AMPH: variants seen among roughly 807,000 people sequenced by gnomAD.
AMPH encodes amphiphysin.
In AMPH, 49 loss-of-function variants were observed where a neutral mutation model predicts 99.1. The observed-to-expected ratio is 0.49, with a 90% confidence interval of 0.39 to 0.63. The LOEUF (loss-of-function observed/expected upper bound fraction) is 0.63, where lower values mean the gene tolerates loss of function less well. Ranked by LOEUF, AMPH falls within the 20% of genes least tolerant of loss-of-function variation. AMPH has a pLI of 0.00. For synonymous variants in AMPH, 314 were observed against 317.3 expected (o/e 0.99, Z 0.11); for missense variants, 759 against 863.4 (o/e 0.88, Z 1.52).
intron 1 of AMPH, among the ~76,000 whole-genome samples, chr7:38,601,765 G>GCGTC (rs1208608229): frequency 2.0e-5 from 3 of 152,178 alleles, no homozygotes; most frequent in Non-Finnish European, 4.4e-5. Context: ...AGCTCTCTGA[G>GCGTC]TGTCTGTTTT....
At chr7:38,575,853 C>G (rs769660778) in intron 1 of AMPH, among the ~76,000 whole-genome samples, 2 of 152,152 alleles carry the variant, frequency 1.3e-5, no homozygotes, top group Non-Finnish European at 2.9e-5. Flanking sequence ...CATTCTATTC[C>G]TAAGGGGAAT....
Position 38,466,219 on chromosome 7 carries a change from T to A in AMPH, c.620A>T (p.Lys207Ile), listed in dbSNP as rs150251325. The change falls in exon 8 of 21, where the codon AAA (lysine) becomes ATA (isoleucine). Residue 207 changes from lysine to isoleucine, a missense_variant. Around this residue, in one of 2 missense-constraint regions of AMPH, gnomAD observed 205 missense variants for 287.9 expected, o/e 0.71. Coordinates refer to ENST00000356264, the MANE Select transcript of AMPH (RefSeq NM_001635.4). ...CTTGGCTTCAAGGCTGGAGACGTTTTTGAAAGTATTAACATAAAATCCAAC... is the reference window on the plus strand; with the variant it reads ...CTTGGCTTCAAGGCTGGAGACGTTTATGAAAGTATTAACATAAAATCCAAC... ...RRVGFYVNTF[K>I]NVSSLEAKFH... The A allele has an allele frequency of 9.2e-5, 147 of 1,595,610 alleles. 1 individual carries two copies. The highest frequency in any genetic ancestry group is 8.3e-4 in the Middle Eastern group (5 of 6,014).
At chr7:38,584,516 G>A (rs149695307) in intron 1 of AMPH, among the ~76,000 whole-genome samples, 24 of 152,288 alleles carry the variant, frequency 1.6e-4, no homozygotes, top group African/African-American at 4.3e-4. Flanking sequence ...TGACAATGCC[G>A]TCCATGAGGG....
At chr7:38,482,996 G>A (rs10085389) in intron 5 of AMPH, among the ~76,000 whole-genome samples, 38,562 of 151,934 alleles carry the variant, frequency 0.25, 5,144 homozygotes, top group Middle Eastern at 0.28. Context: ...CTTGGCAAGT[G>A]CAAATCCAGC....
At chr7:38,598,627 T>C (rs1226195665) in intron 1 of AMPH, among the ~76,000 whole-genome samples, 2 of 152,294 alleles carry the variant, frequency 1.3e-5, no homozygotes, top group East Asian at 3.9e-4. Flanking sequence ...CTACTTCCTT[T>C]CACCAAAATT....
chr7:38,410,952 A>G (rs1479148762), intron 17 of AMPH, among the ~76,000 whole-genome samples: 4 of 152,128 alleles, frequency 2.6e-5, no homozygotes, highest in African/African-American at 9.7e-5. Flanking sequence ...GTCCACTTGG[A>G]CCCTAAGTTG....
At chr7:38,407,793 C>T (rs144792106) in intron 17 of AMPH, among the ~76,000 whole-genome samples, 4 of 152,244 alleles carry the variant, frequency 2.6e-5, no homozygotes, top group African/African-American at 9.6e-5. Context: ...CTGGCATTTG[C>T]TCTTACAGAG....
intron 11 of AMPH, among the ~76,000 whole-genome samples, chr7:38,459,221 A>G (rs999209963): frequency 6.6e-6 from 1 of 152,004 alleles, no homozygotes; most frequent in Non-Finnish European, 1.5e-5. Context: ...ATGAAAGAAA[A>G]TTAAAAGGAC....
At chr7:38,589,796 C>A (rs1375077024) in intron 1 of AMPH, among the ~76,000 whole-genome samples, 1 of 152,134 alleles carries the variant, frequency 6.6e-6, no homozygotes, top group African/African-American at 2.4e-5. Flanking sequence ...TTAATCAATG[C>A]CAGTTTTATA....
intron 1 of AMPH, among the ~76,000 whole-genome samples, chr7:38,585,276 G>A (rs889803223): frequency 6.6e-6 from 1 of 152,170 alleles, no homozygotes; most frequent in Non-Finnish European, 1.5e-5. Context: ...CCAGACTCAG[G>A]TCTGACTCGA....
intron 1 of AMPH, 116 bp downstream of exon 1, chr7:38,631,167 C>T: frequency 1.1e-6 from 1 of 949,760 alleles, no homozygotes; most frequent in Non-Finnish European, 1.3e-6. Context: ...GGCCCCGGCC[C>T]CGCTCCGCAG....
chr7:38,461,495 G>A (rs980225980), intron 10 of AMPH, 84 bp from the exon 11 acceptor site: 5 of 1,517,620 alleles, frequency 3.3e-6, no homozygotes, highest in Non-Finnish European at 3.6e-6. Flanking sequence ...AGAGCTACAT[G>A]GACAGATTGA....
chr7:38,499,919 T>C (rs1789072959), intron 3 of AMPH, among the ~76,000 whole-genome samples: 1 of 152,228 alleles, frequency 6.6e-6, no homozygotes, highest in Non-Finnish European at 1.5e-5. Flanking sequence ...CCTTGCCTGC[T>C]GCCACGCAAG....
At chr7:38,439,176 A>G (rs1047023146) in intron 11 of AMPH, among the ~76,000 whole-genome samples, 5 of 152,174 alleles carry the variant, frequency 3.3e-5, no homozygotes, top group African/African-American at 1.2e-4. Flanking sequence ...AAGTTTCCAG[A>G]GGCCTCCCTA....
At position 38,571,010 on chromosome 7, in the gene AMPH, A is replaced by AAT. The variant is rs1375141321; in HGVS notation, c.70-36001_70-36000dup. Among the ~76,000 whole-genome samples, 3 of 69,688 alleles carry AAT rather than the reference A, an allele frequency of 4.3e-5. 1 individual carries two copies. Among genetic ancestry groups the AAT allele is most frequent in the African/African-American group, 2.0e-4 (3 of 15,184 alleles). The allele number at this position is 69,688 out of a possible 152,430, so 45.7% of individuals were successfully genotyped here. A position where few individuals can be genotyped will look rare whatever the true frequency, so the allele number is the denominator to read the frequency against. On this transcript the variant is annotated intron_variant, in intron 1 of 20. Coordinates refer to ENST00000356264, the MANE Select transcript of AMPH (RefSeq NM_001635.4). ...AATATATATATATTCATATATATAG[A>AAT]ATATATATATTCATATATTGAATAT...
chr7:38,470,161 C>T (rs1453926558), intron 7 of AMPH, among the ~76,000 whole-genome samples: 1 of 152,192 alleles, frequency 6.6e-6, no homozygotes, highest in Non-Finnish European at 1.5e-5. Flanking sequence ...ATCTTCAGTC[C>T]TAAATTATTC....
At chr7:38,456,076 T>C (rs1388018906) in intron 11 of AMPH, among the ~76,000 whole-genome samples, 1 of 152,164 alleles carries the variant, frequency 6.6e-6, no homozygotes, top group Non-Finnish European at 1.5e-5. Flanking sequence ...AAGCCTAGCT[T>C]CCAAAGGTCT....
chr7:38,618,492 A>G (rs1793949864), intron 1 of AMPH, among the ~76,000 whole-genome samples: 1 of 151,834 alleles, frequency 6.6e-6, no homozygotes, highest in South Asian at 2.1e-4. Flanking sequence ...AGCCTGGGTG[A>G]CAGAGTGAGA....
At chr7:38,515,550 C>A (rs1165303929) in intron 2 of AMPH, among the ~76,000 whole-genome samples, 2 of 152,172 alleles carry the variant, frequency 1.3e-5, no homozygotes, top group Non-Finnish European at 2.9e-5. Flanking sequence ...ACCAATTTAA[C>A]CTCTTTTCTT....
Sources: gnomAD v4.1 joint callset for allele counts (sites outside exome capture counted in the v4.1 genomes callset) on GRCh38, gnomAD v4.1.1 for gene constraint, gnomAD v4.1.1 regional missense constraint, MANE v1.5 for transcripts, NCBI Gene and HGNC (gene_info 2026-07-23, HGNC 2026-07-21) for gene names.